The following DENND2A variants were observed in gnomAD, a reference collection of about 807,000 sequenced individuals.
The protein encoded by DENND2A is DENN domain-containing protein 2A.
DENND2A carries 53 observed loss-of-function variants against 105.3 expected under a neutral mutation model. That is an observed-to-expected ratio of 0.50 (90% CI 0.40 to 0.63). DENND2A has a LOEUF of 0.63. Among genes scored for constraint, DENND2A ranks in the 30% least tolerant of loss-of-function variants. DENND2A has a pLI of 0.00. For missense variants in DENND2A, 1,138 were observed against 1,279.6 expected (o/e 0.89, Z 1.69); for synonymous variants, 522 against 508.4 (o/e 1.03, Z -0.36).
chr7:140,592,057 T>G (rs1343563960), intron 3 of DENND2A, among the ~76,000 whole-genome samples: 1 of 133,260 alleles, frequency 7.5e-6, no homozygotes, highest in African/African-American at 2.9e-5. Flanking sequence ...TTTTTTTTTT[T>G]GATGGAGTTT....
At chr7:140,518,796 T>C in intron 19 of DENND2A, 58 bp from the exon 20 acceptor site, 1 of 1,578,114 alleles carries the variant, frequency 6.3e-7, no homozygotes, top group Non-Finnish European at 8.7e-7. Context: ...GTGAGATAAA[T>C]CTTGCCCTTT....
At chr7:140,600,605 T>C (rs566193097) in intron 3 of DENND2A, among the ~76,000 whole-genome samples, 5 of 151,796 alleles carry the variant, frequency 3.3e-5, no homozygotes, top group Non-Finnish European at 7.4e-5. Flanking sequence ...GAACTGGCAA[T>C]TGGATTTAGC....
At chr7:140,597,068 A>G (rs1365445391) in intron 3 of DENND2A, among the ~76,000 whole-genome samples, 1 of 152,196 alleles carries the variant, frequency 6.6e-6, no homozygotes, top group Non-Finnish European at 1.5e-5. Context: ...AGAAGACAGC[A>G]AATAGAGAGG....
chr7:140,554,848 T>C (rs1797292166), intron 12 of DENND2A, among the ~76,000 whole-genome samples: 1 of 152,178 alleles, frequency 6.6e-6, no homozygotes, highest in South Asian at 2.1e-4. Flanking sequence ...AAGACCAAAT[T>C]ATATGAATAT....
chr7:140,606,165 C>T (rs1799680797), intron 1 of DENND2A, among the ~76,000 whole-genome samples: 1 of 152,056 alleles, frequency 6.6e-6, no homozygotes, highest in African/African-American at 2.4e-5. Flanking sequence ...CTCAGCCTCC[C>T]CAGTAGCTGG....
chr7:140,534,081 A>ATTTTTTTTTTT (rs3042407), intron 14 of DENND2A, among the ~76,000 whole-genome samples: 4 of 80,102 alleles, frequency 5.0e-5, no homozygotes, highest in East Asian at 3.1e-4. Flanking sequence ...TGCCTGGTTA[A>ATTTTTTTTTTT]TTTTTTTTTT....
chr7:140,534,275 G>C (rs963693988), intron 14 of DENND2A, among the ~76,000 whole-genome samples: 6 of 150,896 alleles, frequency 4.0e-5, no homozygotes, highest in Admixed American at 4.0e-4. Flanking sequence ...AGTAGAGACG[G>C]GGTTTCACCA....
chr7:140,526,443 G>C (rs1369843362), intron 15 of DENND2A, among the ~76,000 whole-genome samples: 1 of 152,240 alleles, frequency 6.6e-6, no homozygotes, highest in Non-Finnish European at 1.5e-5. Context: ...GGCCGTGACG[G>C]AGGAGGAGCC....
chr7:140,528,771 AAAAG>A (rs1796151708), intron 14 of DENND2A, among the ~76,000 whole-genome samples: 1 of 148,748 alleles, frequency 6.7e-6, no homozygotes. Flanking sequence ...AAAAAAAAAA[AAAAG>A]AGATGACTGA....
At chr7:140,621,133 A>T (rs1164096242) in intron 1 of DENND2A, among the ~76,000 whole-genome samples, 1 of 152,084 alleles carries the variant, frequency 6.6e-6, no homozygotes, top group East Asian at 1.9e-4. Context: ...GGCTCAAGTG[A>T]TCCTCCCACC....
At chr7:140,581,409 C>T (rs1798537184) in intron 5 of DENND2A, among the ~76,000 whole-genome samples, 1 of 152,174 alleles carries the variant, frequency 6.6e-6, no homozygotes, top group Non-Finnish European at 1.5e-5. Context: ...TCCAACAGGC[C>T]CTTCCCTCTC....
chr7:140,580,477 G>T (rs1447612548), intron 5 of DENND2A, among the ~76,000 whole-genome samples: 1 of 151,996 alleles, frequency 6.6e-6, no homozygotes, highest in Admixed American at 6.6e-5. Flanking sequence ...GCACCACCAT[G>T]CCTATCTAAT....
chr7:140,525,668 C>T, intron 16 of DENND2A, 83 bp downstream of exon 16: 6 of 1,324,676 alleles, frequency 4.5e-6, no homozygotes, highest in Non-Finnish European at 6.1e-6. Flanking sequence ...CCCAAAGAGC[C>T]TTTCCAAGGC....
At position 140,547,901 on chromosome 7, in the gene DENND2A, C is replaced by T. The variant is rs1274269643; in HGVS notation, c.2038-962G>A. ...TAAAAGGCCATCTAATGTATGATTC[C>T]ACTTAGATGAAATGTCCAGAATAGA... On this transcript the variant is annotated intron_variant, in intron 12 of 19. Transcript: ENST00000496613. Among the ~76,000 whole-genome samples the T allele has an allele frequency of 4.6e-5, 7 of 152,186 alleles. No individual in the cohort carries two copies. In the East Asian group the frequency reaches 1.3e-3, roughly 29 times the overall value.
rs1260848209 is a variant in DENND2A, at chr7:140,579,594, T to C, written c.1246-5586A>G. The stretch of plus-strand genomic sequence containing the variant: ...TTTCAGTAGAGACGAGGTTTTGCCA[T>C]GTTTGCCAGGCTGGTTACAAACTCC... On this transcript the variant is annotated intron_variant, in intron 5 of 19. Transcript: ENST00000496613. Among the ~76,000 whole-genome samples, 7 of 152,046 alleles carry C rather than the reference T, an allele frequency of 4.6e-5. No homozygotes were observed. The East Asian group carries it at 1.4e-3, about 30-fold the overall frequency.
Position 140,621,433 on chromosome 7 carries a change from T to G in DENND2A, c.-247-15627A>C, listed in dbSNP as rs373840504. Among the ~76,000 whole-genome samples, 4 of 152,186 alleles carry G rather than the reference T, an allele frequency of 2.6e-5. No individual in the cohort carries two copies. The East Asian group carries it at 7.7e-4, about 29-fold the overall frequency. On this transcript the variant is annotated intron_variant, in intron 1 of 19. Coordinates refer to ENST00000496613, the MANE Select transcript of DENND2A (RefSeq NM_015689.5). ...TTGTTATACTGTGTTGTTTAAGAAA[T>G]AATGACAAGAGAAAAATAGTCTGTA...
At chr7:140,637,827 C>T (rs1801008632) in intron 1 of DENND2A, among the ~76,000 whole-genome samples, 1 of 152,156 alleles carries the variant, frequency 6.6e-6, no homozygotes, top group Non-Finnish European at 1.5e-5. Context: ...CTATGATAAG[C>T]CTCCTTCCCT....
chr7:140,638,302 C>G (rs1801028898), intron 1 of DENND2A, among the ~76,000 whole-genome samples: 1 of 152,200 alleles, frequency 6.6e-6, no homozygotes, highest in Non-Finnish European at 1.5e-5. Flanking sequence ...AAATGCAGGC[C>G]ACTCAGAAGG....
At chr7:140,587,830 G>T in intron 3 of DENND2A, 50 bp from the exon 4 acceptor site, 1 of 1,498,616 alleles carries the variant, frequency 6.7e-7, no homozygotes, top group Non-Finnish European at 8.9e-7. Flanking sequence ...AATCAAATTA[G>T]GCTGTTTCAG....
Sources: allele counts gnomAD v4.1 joint callset (sites outside exome capture counted in the v4.1 genomes callset), GRCh38; gene constraint gnomAD v4.1.1; transcripts MANE v1.5; gene names NCBI Gene and HGNC (gene_info 2026-07-23, HGNC 2026-07-21).